The following KCMF1 variants were observed in gnomAD, a reference collection of about 807,000 sequenced individuals.
KCMF1 encodes potassium channel modulatory factor 1.
A neutral mutation model predicts 41.1 loss-of-function variants in KCMF1; 3 were observed. The observed-to-expected ratio is 0.07, with a 90% confidence interval of 0.03 to 0.19. The LOEUF (loss-of-function observed/expected upper bound fraction) is 0.19. Among genes scored for constraint, KCMF1 ranks in the 10% least tolerant of loss-of-function variants. The pLI is 1.00. For missense variants in KCMF1, 286 were observed against 488.9 expected (o/e 0.58, Z 3.91); for synonymous variants, 142 against 164.5 (o/e 0.86, Z 1.04).
At chr2:85,035,279 T>C (rs1172833401) in intron 3 of KCMF1, 124 bp downstream of exon 3, 1 of 899,718 alleles carries the variant, frequency 1.1e-6, no homozygotes, top group Admixed American at 3.2e-5. Flanking sequence ...TGCATAGTTA[T>C]TAAAATCATC....
chr2:85,021,663 A>G (rs1287947880), intron 1 of KCMF1, among the ~76,000 whole-genome samples: 1 of 151,966 alleles, frequency 6.6e-6, no homozygotes, highest in Non-Finnish European at 1.5e-5. Flanking sequence ...TAATACTACC[A>G]TTTTAAAATT....
intron 1 of KCMF1, among the ~76,000 whole-genome samples, chr2:85,023,313 T>A (rs1204403056): frequency 7.7e-6 from 1 of 129,768 alleles, no homozygotes; most frequent in African/African-American, 2.8e-5. Flanking sequence ...TGAATCTGAA[T>A]AGCCTTTTTT....
intron 1 of KCMF1, among the ~76,000 whole-genome samples, chr2:85,021,391 A>G (rs1674934428): frequency 6.6e-6 from 1 of 152,220 alleles, no homozygotes; most frequent in Non-Finnish European, 1.5e-5. Flanking sequence ...TGGGAGGCCA[A>G]GGCGGGCGGA....
chr2:84,999,344 G>A (rs1257722135), intron 1 of KCMF1, among the ~76,000 whole-genome samples: 3 of 152,064 alleles, frequency 2.0e-5, no homozygotes, highest in East Asian at 1.9e-4. Context: ...GTAGAGACAC[G>A]GTTTCACCAT....
At position 85,005,637 on chromosome 2, in the gene KCMF1, A is replaced by G. The variant is rs1674453645; in HGVS notation, c.17-22252A>G. 1.3e-5 allele frequency among the ~76,000 whole-genome samples: 2 copies of G among 152,038 alleles called. 1 individual carries two copies. The highest frequency in any genetic ancestry group is 3.9e-4 in the East Asian group (2 of 5,192). On this transcript the variant is annotated intron_variant, in intron 1 of 6. Coordinates refer to ENST00000409785, the MANE Select transcript of KCMF1 (RefSeq NM_020122.5). Reference sequence around the variant, plus strand: ...ACACGTGATAATTATACATATTTCTAGGGTACATGGTGATACTTTGCTTTT... The same window carrying G: ...ACACGTGATAATTATACATATTTCTGGGGTACATGGTGATACTTTGCTTTT...
At chr2:84,981,410 C>T (rs894361463) in intron 1 of KCMF1, among the ~76,000 whole-genome samples, 7 of 151,856 alleles carry the variant, frequency 4.6e-5, no homozygotes, top group Non-Finnish European at 8.8e-5. Flanking sequence ...AGGATGGTCT[C>T]GATCTCCTGA....
Position 85,043,914 on chromosome 2 carries a change from T to C in KCMF1, c.426+249T>C, listed in dbSNP as rs149856152. Among the ~76,000 whole-genome samples, 476 of 152,306 alleles carry C rather than the reference T, an allele frequency of 3.1e-3. 2 individuals carry two copies. The highest frequency in any genetic ancestry group is 0.011 in the African/African-American group (455 of 41,566). Reference sequence around the variant, plus strand: ...AAAAGAGGAAAAGTAATGTCCAAATTATTTTTACTTATTTGAACTTTTCCT... The same window carrying C: ...AAAAGAGGAAAAGTAATGTCCAAATCATTTTTACTTATTTGAACTTTTCCT... On this transcript the variant is annotated intron_variant, in intron 4 of 6. Coordinates refer to ENST00000409785, the MANE Select transcript of KCMF1 (RefSeq NM_020122.5).
chr2:85,008,240 T>TATATG (rs1558573201), intron 1 of KCMF1, among the ~76,000 whole-genome samples: 8 of 87,866 alleles, frequency 9.1e-5, no homozygotes, highest in African/African-American at 3.0e-4. Context: ...CATATTATAT[T>TATATG]ATATATGATA....
At chr2:85,037,503 A>C (rs1361780717) in intron 3 of KCMF1, among the ~76,000 whole-genome samples, 1 of 152,148 alleles carries the variant, frequency 6.6e-6, no homozygotes, top group Non-Finnish European at 1.5e-5. Context: ...CATATATGTG[A>C]AACATACTAT....
At chr2:85,052,665 A>G (rs1179782289) in intron 6 of KCMF1, among the ~76,000 whole-genome samples, 7 of 152,220 alleles carry the variant, frequency 4.6e-5, no homozygotes, top group Non-Finnish European at 8.8e-5. Context: ...TAGCTTCTGC[A>G]TATACCAAGA....
chr2:84,980,386 G>A (rs1485230665), intron 1 of KCMF1, among the ~76,000 whole-genome samples: 1 of 152,128 alleles, frequency 6.6e-6, no homozygotes, highest in Non-Finnish European at 1.5e-5. Flanking sequence ...CAGCTCTCAC[G>A]CCTGATGGAA....
chr2:85,045,245 CATAT>C (rs551733035), intron 4 of KCMF1, among the ~76,000 whole-genome samples: 1 of 151,122 alleles, frequency 6.6e-6, no homozygotes, highest in African/African-American at 2.4e-5. Flanking sequence ...TCTCAAGATA[CATAT>C]ATATATGTAT....
intron 1 of KCMF1, among the ~76,000 whole-genome samples, chr2:85,022,320 A>C (rs1280023812): frequency 6.6e-6 from 1 of 152,040 alleles, no homozygotes; most frequent in East Asian, 1.9e-4. Context: ...AAAAAAATAC[A>C]AAAATTATGC....
At chr2:85,007,437 A>G (rs2103997550) in intron 1 of KCMF1, among the ~76,000 whole-genome samples, 1 of 152,294 alleles carries the variant, frequency 6.6e-6, no homozygotes. Flanking sequence ...CCCAACATAT[A>G]TGGAGCGTTT....
chr2:85,049,350 T>C lies in KCMF1; in HGVS notation c.602-16T>C. 6.2e-7 allele frequency: 1 copy of C among 1,610,334 alleles called. No homozygotes were observed. The highest frequency in any genetic ancestry group is 1.7e-5 in the Admixed American group (1 of 59,922). The stretch of plus-strand genomic sequence containing the variant: ...AGTATTAAGCAGACATTAATTGTCT[T>C]CATTTCCATTGGCAGAGCTTTTATC... On this transcript the variant is annotated splice_polypyrimidine_tract_variant and intron_variant, in intron 5 of 6. Coordinates refer to ENST00000409785, the MANE Select transcript of KCMF1 (RefSeq NM_020122.5).
chr2:85,011,182 C>T (rs886751784), intron 1 of KCMF1, among the ~76,000 whole-genome samples: 4 of 152,086 alleles, frequency 2.6e-5, no homozygotes, highest in African/African-American at 9.7e-5. Flanking sequence ...TCAAATTGTC[C>T]CAGGTTTGGC....
chr2:85,043,595 G>T lies in KCMF1; in HGVS notation c.356G>T (p.Gly119Val). 6.2e-7 allele frequency: 1 copy of T among 1,612,798 alleles called. No homozygotes were observed. The change falls in exon 4 of 7, where the codon GGC (glycine) becomes GTC (valine). Residue 119 changes from glycine (G) to valine (V), a missense_variant. Transcript: ENST00000409785. ...ICPICAALPG[G>V]DPNHVTDDFA... The stretch of plus-strand genomic sequence containing the variant: ...CCAATATGTGCAGCGTTACCTGGAG[G>T]CGATCCTAATCATGTCACGGATGAC...
At chr2:84,980,756 G>A (rs973203755) in intron 1 of KCMF1, among the ~76,000 whole-genome samples, 32 of 151,574 alleles carry the variant, frequency 2.1e-4, no homozygotes, top group African/African-American at 7.0e-4. Context: ...TCCTCCTGCC[G>A]CAGCCTCCCA....
rs1675827278 is a variant in KCMF1 at position 85,052,283 on chromosome 2, C to T, written c.885-865C>T. On this transcript the variant is annotated intron_variant, in intron 6 of 6. Transcript: ENST00000409785. ...ATGGGGTTTCACCACATTAGCCAGG[C>T]TGGTCTCAAACTCCTGACCTCAGGT... Among the ~76,000 whole-genome samples the T allele has an allele frequency of 2.6e-5, 4 of 152,160 alleles. No homozygotes were observed. In the South Asian group the frequency reaches 8.3e-4, roughly 32 times the overall value.
Sources: allele counts gnomAD v4.1 joint callset (sites outside exome capture counted in the v4.1 genomes callset), GRCh38; gene constraint gnomAD v4.1.1; transcripts MANE v1.5; gene names NCBI Gene and HGNC (gene_info 2026-07-23, HGNC 2026-07-21).